UNC5D: variants seen among roughly 807,000 people sequenced by gnomAD.
UNC5D encodes unc-5 netrin receptor D, also known as netrin receptor UNC5D.
A neutral mutation model predicts 105.4 loss-of-function variants in UNC5D; 39 were observed. The observed-to-expected ratio is 0.37, with a 90% CI of 0.29 to 0.48. The LOEUF (loss-of-function observed/expected upper bound fraction) is 0.48, where lower values mean the gene tolerates loss of function less well. Ranked by LOEUF, UNC5D falls within the 20% of genes least tolerant of loss-of-function variation. UNC5D has a pLI of 0.98. For synonymous variants in UNC5D, 452 were observed against 450.4 expected (o/e 1.00, Z -0.04); for missense variants, 991 against 1,202.4 (o/e 0.82, Z 2.60).
At chr8:35,729,720 G>A (rs1829086324) in intron 10 of UNC5D, among the ~76,000 whole-genome samples, 1 of 152,136 alleles carries the variant, frequency 6.6e-6, no homozygotes. Context: ...AGACAAGGGA[G>A]GGAAGAGTTG....
chr8:35,477,231 G>A (rs527589936), intron 1 of UNC5D, among the ~76,000 whole-genome samples: 2 of 152,156 alleles, frequency 1.3e-5, no homozygotes, highest in African/African-American at 4.8e-5. Flanking sequence ...TTAGAATGTA[G>A]CCCTTTTCTC....
chr8:35,611,417 T>C (rs1192843973), intron 4 of UNC5D, among the ~76,000 whole-genome samples: 4 of 152,208 alleles, frequency 2.6e-5, no homozygotes, highest in African/African-American at 9.6e-5. Flanking sequence ...CACCAATGTT[T>C]GTTCAACTTA....
chr8:35,467,418 T>A (rs1366356631), intron 1 of UNC5D, among the ~76,000 whole-genome samples: 2 of 151,976 alleles, frequency 1.3e-5, no homozygotes, highest in African/African-American at 2.4e-5. Flanking sequence ...AAAGCAGAAA[T>A]TAAGCTATGA....
chr8:35,595,107 A>G (rs1053776392), intron 3 of UNC5D, among the ~76,000 whole-genome samples: 4 of 152,210 alleles, frequency 2.6e-5, no homozygotes, highest in Non-Finnish European at 5.9e-5. Flanking sequence ...AGAGCCCCCT[A>G]GAGGGTTAAG....
At position 35,726,225 on chromosome 8, in the gene UNC5D, T is replaced by A; in HGVS notation, c.1377T>A (p.Cys459Ter). The A allele has an allele frequency of 6.2e-7, 1 of 1,614,196 alleles. No homozygotes were observed. The highest frequency in any genetic ancestry group is 8.5e-7 in the Non-Finnish European group (1 of 1,180,022). The change falls in exon 10 of 17, where the codon TGT becomes TGA. Residue 459 changes from cysteine to a stop codon, truncating the protein, a stop_gained. Coordinates refer to ENST00000404895, the MANE Select transcript of UNC5D (RefSeq NM_080872.4). LOFTEE classifies it high-confidence loss of function. ...TVSRTYSGPICLQDPLDKELM... is the reference protein window; with the variant it reads ...TVSRTYSGPI ...GCCGGACATACAGCGGACCCATCTG[T>A]CTGCAGGACCCTCTGGACAAGGAGC... is the stretch of plus-strand genomic sequence containing the variant.
intron 4 of UNC5D, among the ~76,000 whole-genome samples, chr8:35,646,656 A>G (rs1823072985): frequency 6.6e-6 from 1 of 152,090 alleles, no homozygotes; most frequent in Non-Finnish European, 1.5e-5. Context: ...GTATATATAA[A>G]TGTGTATCTG....
chr8:35,762,801 C>A (rs1563743523), intron 14 of UNC5D, among the ~76,000 whole-genome samples: 2 of 152,098 alleles, frequency 1.3e-5, no homozygotes, highest in South Asian at 4.1e-4. Flanking sequence ...CAACAAAACA[C>A]AAAGTCAAGT....
At chr8:35,648,247 A>T (rs1027305328) in intron 4 of UNC5D, among the ~76,000 whole-genome samples, 1 of 152,182 alleles carries the variant, frequency 6.6e-6, no homozygotes, top group Non-Finnish European at 1.5e-5. Flanking sequence ...TTACTATGTA[A>T]TTATGTGGCC....
intron 1 of UNC5D, among the ~76,000 whole-genome samples, chr8:35,271,643 C>T (rs1585463028): frequency 1.5e-5 from 2 of 130,196 alleles, no homozygotes; most frequent in Non-Finnish European, 3.3e-5. Context: ...ATTATGTATA[C>T]CATATGTATA....
intron 4 of UNC5D, among the ~76,000 whole-genome samples, chr8:35,674,872 G>T (rs1825098252): frequency 6.6e-6 from 1 of 152,108 alleles, no homozygotes; most frequent in Non-Finnish European, 1.5e-5. Context: ...CTTGCTTTTT[G>T]TAAGATGCTA....
At chr8:35,339,107 C>T (rs967420976) in intron 1 of UNC5D, among the ~76,000 whole-genome samples, 1 of 152,044 alleles carries the variant, frequency 6.6e-6, no homozygotes, top group South Asian at 2.1e-4. Context: ...TTGATGTAGT[C>T]CAAAGTATAT....
intron 6 of UNC5D, among the ~76,000 whole-genome samples, chr8:35,685,708 A>G (rs1159242715): frequency 6.6e-6 from 1 of 152,178 alleles, no homozygotes; most frequent in Admixed American, 6.5e-5. Context: ...CCCAGTTGGC[A>G]GACATGGTAA....
chr8:35,358,584 C>T (rs987265883), intron 1 of UNC5D, among the ~76,000 whole-genome samples: 1 of 152,096 alleles, frequency 6.6e-6, no homozygotes, highest in Non-Finnish European at 1.5e-5. Flanking sequence ...CAGCAAACCA[C>T]CATGGCACAT....
intron 1 of UNC5D, among the ~76,000 whole-genome samples, chr8:35,250,792 TG>T (rs1803641463): frequency 6.6e-6 from 1 of 152,168 alleles, no homozygotes; most frequent in Non-Finnish European, 1.5e-5. Flanking sequence ...CCACCGCTCC[TG>T]GCCCCAGTAG....
At chr8:35,583,158 C>T (rs1028369572) in intron 3 of UNC5D, among the ~76,000 whole-genome samples, 1 of 152,118 alleles carries the variant, frequency 6.6e-6, no homozygotes, top group Non-Finnish European at 1.5e-5. Context: ...TAGAGACCAG[C>T]CTGGGCAACA....
chr8:35,773,860 T>A (rs1019765544), intron 15 of UNC5D, among the ~76,000 whole-genome samples: 5 of 152,260 alleles, frequency 3.3e-5, no homozygotes, highest in African/African-American at 1.2e-4. Flanking sequence ...GTAGCTGTGA[T>A]TACAGGCACC....
intron 15 of UNC5D, among the ~76,000 whole-genome samples, chr8:35,771,985 T>TAG (rs1423883116): frequency 6.6e-6 from 1 of 152,156 alleles, no homozygotes; most frequent in African/African-American, 2.4e-5. Context: ...GTCACTGAAC[T>TAG]AGAAAGTGTT....
chr8:35,763,252 G>A (rs967642420), intron 14 of UNC5D, among the ~76,000 whole-genome samples: 1 of 152,062 alleles, frequency 6.6e-6, no homozygotes, highest in Non-Finnish European at 1.5e-5. Flanking sequence ...TGTGTTCAAT[G>A]GAATGGAAAA....
chr8:35,774,442 C>A lies in UNC5D; in HGVS notation c.2622C>A (p.Asp874Glu). The change falls in exon 16 of 17, where the codon GAC (aspartate) becomes GAA (glutamate). Residue 874 changes from aspartate to glutamate, a missense_variant. Asp to Glu is a conservative substitution (Grantham distance 45). This residue lies in a region of UNC5D where 944 missense variants were observed against 1,131.6 expected (regional missense o/e 0.83). Transcript: ENST00000404895. ...TFDTPNAKGK[D>E]WQMLAQKNSI... ...ATACCCCCAATGCCAAAGGCAAGGA[C>A]TGGCAGATGTTAGCACAGAAAAACA... 5 of 1,614,094 alleles carry A rather than the reference C, an allele frequency of 3.1e-6. No homozygotes were observed. The highest frequency in any genetic ancestry group is 4.2e-6 in the Non-Finnish European group (5 of 1,179,996).
Sources: allele counts gnomAD v4.1 joint callset (sites outside exome capture counted in the v4.1 genomes callset), GRCh38; gene constraint gnomAD v4.1.1; regional missense constraint gnomAD v4.1.1; transcripts MANE v1.5; gene names NCBI Gene and HGNC (gene_info 2026-07-23, HGNC 2026-07-21).